The following NCKAP5 variants were observed in gnomAD, a reference collection of about 807,000 sequenced individuals.
NCKAP5 encodes the protein nck-associated protein 5.
NCKAP5 carries 92 observed loss-of-function variants against 167.0 expected under a neutral mutation model. That is an observed-to-expected ratio of 0.55 (90% confidence interval 0.47 to 0.66). NCKAP5 has a LOEUF of 0.66. NCKAP5 is among the 30% of genes least tolerant of loss of function. The pLI, the probability that NCKAP5 is intolerant of heterozygous loss-of-function variation, is 0.00. For missense variants in NCKAP5, 2,378 were observed against 2,315.0 expected, an observed-to-expected ratio of 1.03 and a Z score of -0.56; for synonymous variants, 891 against 877.4, an observed-to-expected ratio of 1.02 and a Z score of -0.27.
intron 3 of NCKAP5, among the ~76,000 whole-genome samples, chr2:133,437,119 C>T (rs1259616360): frequency 2.6e-5 from 4 of 151,996 alleles, no homozygotes; most frequent in African/African-American, 7.2e-5. Context: ...TTTGGGACGT[C>T]GAGGCGGGCG....
At chr2:132,900,576 T>C (rs1176197735) in intron 8 of NCKAP5, among the ~76,000 whole-genome samples, 1 of 152,138 alleles carries the variant, frequency 6.6e-6, no homozygotes, top group Non-Finnish European at 1.5e-5. Context: ...CATGAATAAA[T>C]TTTCTACATT....
chr2:133,396,094 T>C (rs550963756), intron 3 of NCKAP5, among the ~76,000 whole-genome samples: 1 of 152,174 alleles, frequency 6.6e-6, no homozygotes, highest in Non-Finnish European at 1.5e-5. Context: ...CCAATGGATA[T>C]GGATAGCAAA....
At chr2:132,800,819 T>C (rs1354652888) in intron 11 of NCKAP5, among the ~76,000 whole-genome samples, 1 of 152,214 alleles carries the variant, frequency 6.6e-6, no homozygotes, top group Non-Finnish European at 1.5e-5. Context: ...AGTTGTTCTC[T>C]GTGTAGGTTC....
At chr2:132,946,448 A>G (rs1156795362) in intron 8 of NCKAP5, among the ~76,000 whole-genome samples, 2 of 152,324 alleles carry the variant, frequency 1.3e-5, no homozygotes, top group Admixed American at 6.5e-5. Flanking sequence ...GCGGCCCTCA[A>G]AAAACTATTT....
the NCKAP5 span, among the ~76,000 whole-genome samples, chr2:133,652,198 A>C: frequency 6.6e-6 from 1 of 152,212 alleles, no homozygotes; most frequent in Non-Finnish European, 1.5e-5. Flanking sequence ...CACTCATGTA[A>C]TTCCTAATCA....
chr2:132,817,846 A>G (rs939357438), intron 11 of NCKAP5, among the ~76,000 whole-genome samples: 1 of 152,240 alleles, frequency 6.6e-6, no homozygotes, highest in Non-Finnish European at 1.5e-5. Context: ...TCTTAGGAAG[A>G]CAACTCAGAG....
intron 3 of NCKAP5, among the ~76,000 whole-genome samples, chr2:133,395,400 C>T (rs1416615251): frequency 6.6e-6 from 1 of 152,192 alleles, no homozygotes. Flanking sequence ...TGGGTCAGAA[C>T]AGGTAAGACC....
chr2:133,135,058 G>A (rs953251293), intron 5 of NCKAP5, among the ~76,000 whole-genome samples: 7 of 152,058 alleles, frequency 4.6e-5, no homozygotes, highest in African/African-American at 9.7e-5. Context: ...CATGGTTCCC[G>A]GCTTCGTTAG....
intron 8 of NCKAP5, among the ~76,000 whole-genome samples, chr2:132,934,384 C>A (rs1696681374): frequency 6.6e-6 from 1 of 152,120 alleles, no homozygotes; most frequent in Admixed American, 6.5e-5. Flanking sequence ...ACCAGCCTGG[C>A]CAGCAGGGTG....
intron 9 of NCKAP5, among the ~76,000 whole-genome samples, chr2:132,871,453 A>G (rs569277858): frequency 6.6e-6 from 1 of 152,342 alleles, no homozygotes; most frequent in South Asian, 2.1e-4. Context: ...TTACATTCTC[A>G]TAAAACTGCC....
chr2:133,207,343 G>A (rs779218613), intron 5 of NCKAP5, among the ~76,000 whole-genome samples: 30 of 152,068 alleles, frequency 2.0e-4, no homozygotes, highest in Non-Finnish European at 4.0e-4. Flanking sequence ...TGGTTTCCCC[G>A]ATATATGTGT....
chr2:132,963,280 T>C (rs1419875198), intron 8 of NCKAP5, among the ~76,000 whole-genome samples: 1 of 152,198 alleles, frequency 6.6e-6, no homozygotes, highest in East Asian at 1.9e-4. Flanking sequence ...TCCTGCACGT[T>C]TTTTTTAAAG....
At chr2:132,813,035 TG>T (rs1012827397) in intron 11 of NCKAP5, among the ~76,000 whole-genome samples, 15 of 152,146 alleles carry the variant, frequency 9.9e-5, no homozygotes, top group Admixed American at 3.3e-4. Context: ...CATATGAATT[TG>T]GGGGAAGAGA....
chr2:132,776,393 C>A (rs1314486309), intron 15 of NCKAP5, among the ~76,000 whole-genome samples: 1 of 152,242 alleles, frequency 6.6e-6, no homozygotes, highest in Non-Finnish European at 1.5e-5. Context: ...ACTGCACAGT[C>A]CTACCTGTCA....
At chr2:133,402,306 TGAG>T (rs1386524439) in intron 3 of NCKAP5, among the ~76,000 whole-genome samples, 2 of 151,984 alleles carry the variant, frequency 1.3e-5, no homozygotes, top group Admixed American at 1.3e-4. Context: ...CTTCCAGGGA[TGAG>T]GAGGAGAAGA....
At chr2:133,084,094 C>T (rs1482055894) in intron 6 of NCKAP5, among the ~76,000 whole-genome samples, 2 of 151,978 alleles carry the variant, frequency 1.3e-5, no homozygotes, top group Non-Finnish European at 2.9e-5. Flanking sequence ...CTACAGTGTT[C>T]AACAATGCAT....
chr2:133,061,515 A>G (rs2080001747), intron 6 of NCKAP5, among the ~76,000 whole-genome samples: 1 of 152,230 alleles, frequency 6.6e-6, no homozygotes. Context: ...CGAACCTAAA[A>G]GTTACAGAAA....
intron 13 of NCKAP5, among the ~76,000 whole-genome samples, chr2:132,788,572 C>A (rs533119749): frequency 6.6e-6 from 1 of 152,226 alleles, no homozygotes; most frequent in Non-Finnish European, 1.5e-5. Flanking sequence ...GGAGAGCCTA[C>A]TTAATAGGCG....
intron 4 of NCKAP5, among the ~76,000 whole-genome samples, chr2:133,260,644 C>A (rs961667642): frequency 6.6e-6 from 1 of 152,102 alleles, no homozygotes. Flanking sequence ...AACAGTGGAG[C>A]GAGTGACAGC....
Sources: allele counts gnomAD v4.1 joint callset (sites outside exome capture counted in the v4.1 genomes callset), GRCh38; gene constraint gnomAD v4.1.1; transcripts MANE v1.5; gene names NCBI Gene and HGNC (gene_info 2026-07-23, HGNC 2026-07-21).